SLC4A5: variants seen among roughly 807,000 people sequenced by gnomAD.
SLC4A5 encodes the protein solute carrier family 4 member 5, also known as electrogenic sodium bicarbonate cotransporter 4.
Under a neutral mutation model 120.4 loss-of-function variants are expected in SLC4A5, and 96 were observed. That is an observed-to-expected ratio of 0.80 (90% CI 0.68 to 0.94). The LOEUF (loss-of-function observed/expected upper bound fraction) is 0.94. Ranked by LOEUF, SLC4A5 falls within the 40% of genes least tolerant of loss-of-function variation. SLC4A5 has a pLI of 0.00. For synonymous variants in SLC4A5, 550 were observed against 571.1 expected, an observed-to-expected ratio of 0.96 and a Z score of 0.53; for missense variants, 1,259 against 1,459.5, an observed-to-expected ratio of 0.86 and a Z score of 2.24.
At chr2:74,224,380 G>A (rs1272360017) in intron 28 of SLC4A5, among the ~76,000 whole-genome samples, 2 of 152,134 alleles carry the variant, frequency 1.3e-5, no homozygotes, top group Non-Finnish European at 2.9e-5. Flanking sequence ...CCTAGGCAAA[G>A]GCGCAAGCAA....
chr2:74,225,014 A>C lies in SLC4A5; in HGVS notation c.3091-19T>G. 1 of 1,596,562 alleles carries C rather than the reference A, an allele frequency of 6.3e-7. No homozygotes were observed. The highest frequency in any genetic ancestry group is 8.5e-7 in the Non-Finnish European group (1 of 1,175,642). On this transcript the variant is annotated intron_variant, in intron 27 of 30. Transcript: ENST00000394019. ...CCAGGATCTGTGGTGGAGAGAGACT[A>C]AAGTTTTGTGAGAATTTGGAGAAAA...
chr2:74,335,153 C>G (rs1181617920), intron 3 of SLC4A5, among the ~76,000 whole-genome samples: 1 of 152,192 alleles, frequency 6.6e-6, no homozygotes, highest in East Asian at 1.9e-4. Flanking sequence ...GAGGAAACCA[C>G]TTCTCACAGT....
chr2:74,297,330 T>C (rs1206205230), intron 7 of SLC4A5, among the ~76,000 whole-genome samples: 1 of 152,230 alleles, frequency 6.6e-6, no homozygotes, highest in Non-Finnish European at 1.5e-5. Flanking sequence ...CTCGTAGCAA[T>C]CTGGCATGAA....
intron 8 of SLC4A5, among the ~76,000 whole-genome samples, chr2:74,284,555 T>G (rs1299602847): frequency 6.6e-6 from 1 of 152,188 alleles, no homozygotes; most frequent in East Asian, 1.9e-4. Flanking sequence ...ATTCTTCTCC[T>G]GGGGGCAGAG....
At chr2:74,304,298 G>T (rs376232211) in intron 7 of SLC4A5, among the ~76,000 whole-genome samples, 191 bp downstream of exon 7, 38 of 152,346 alleles carry the variant, frequency 2.5e-4, no homozygotes, top group African/African-American at 8.4e-4. Context: ...CAGGGTGTCA[G>T]TCTGACCAAA....
exon 25 of SLC4A5, chr2:74,231,269 C>T (rs756962305): frequency 1.3e-5 from 21 of 1,612,086 alleles, no homozygotes; most frequent in South Asian, 6.6e-5. Flanking sequence ...CAGAGATTCC[C>T]GTCAGGATGA....
intron 8 of SLC4A5, among the ~76,000 whole-genome samples, chr2:74,272,624 G>A (rs1671511762): frequency 1.3e-5 from 2 of 152,176 alleles, no homozygotes; most frequent in South Asian, 4.1e-4. Flanking sequence ...GCATGCCAGG[G>A]TGGGCACCAG....
intron 8 of SLC4A5, among the ~76,000 whole-genome samples, chr2:74,273,726 A>G (rs1671546330): frequency 6.6e-6 from 1 of 152,252 alleles, no homozygotes. Context: ...ATTTCCCAAC[A>G]GATACTGAAG....
At chr2:74,262,627 A>T (rs1671176590) in intron 10 of SLC4A5, among the ~76,000 whole-genome samples, 1 of 151,764 alleles carries the variant, frequency 6.6e-6, no homozygotes. Context: ...TGAATCCAGG[A>T]GGCAGAGTTT....
chr2:74,302,032 G>C (rs1454262888), intron 7 of SLC4A5, among the ~76,000 whole-genome samples: 3 of 152,100 alleles, frequency 2.0e-5, no homozygotes, highest in African/African-American at 7.2e-5. Context: ...TATTTTTATG[G>C]AATAAAACCC....
At chr2:74,288,877 C>T (rs944964088) in intron 7 of SLC4A5, among the ~76,000 whole-genome samples, 2 of 152,212 alleles carry the variant, frequency 1.3e-5, no homozygotes, top group African/African-American at 2.4e-5. Context: ...ATTAATAGCA[C>T]CTCTAGCCAC....
chr2:74,325,491 G>A (rs1293486543), intron 5 of SLC4A5, among the ~76,000 whole-genome samples: 1 of 152,190 alleles, frequency 6.6e-6, no homozygotes, highest in Non-Finnish European at 1.5e-5. Flanking sequence ...CTTCAAAGGA[G>A]TCCATCCATC....
chr2:74,262,764 G>A (rs1671182559), intron 10 of SLC4A5, among the ~76,000 whole-genome samples: 1 of 152,064 alleles, frequency 6.6e-6, no homozygotes, highest in East Asian at 1.9e-4. Context: ...GAGATACACA[G>A]TGCATTAAAT....
Position 74,242,031 on chromosome 2 carries a change from G to A in SLC4A5, c.2081C>T (p.Ala694Val), listed in dbSNP as rs781527916. The change falls in exon 20 of 31, where the codon GCT becomes GTT. Residue 694 changes from alanine (A) to valine (V), a missense_variant. Coordinates refer to ENST00000394019, the Ensembl canonical transcript of SLC4A5. ...GGTGTCTGGTGCCAATGGGGCTGAA[G>A]CATTGAACACGGTTGTATTCACTGT... 3.1e-6 allele frequency: 5 copies of A among 1,607,104 alleles called. No homozygotes were observed. The South Asian group carries it at 5.5e-5, about 18-fold the overall frequency.
exon 15 of SLC4A5, chr2:74,253,101 G>A (rs753286986): frequency 1.6e-5 from 26 of 1,613,966 alleles, no homozygotes; most frequent in Middle Eastern, 1.6e-4. Context: ...TCCCGATTGC[G>A]GGCTTTGTAG....
At position 74,225,010 on chromosome 2, in the gene SLC4A5, G is replaced by A; in HGVS notation, c.3091-15C>T. ...AGGCCCAGGATCTGTGGTGGAGAGA[G>A]ACTAAAGTTTTGTGAGAATTTGGAG... On this transcript the variant is annotated splice_polypyrimidine_tract_variant and intron_variant, in intron 27 of 30. Coordinates refer to ENST00000394019, the Ensembl canonical transcript of SLC4A5. The A allele has an allele frequency of 6.3e-7, 1 of 1,597,066 alleles. No homozygotes were observed. The highest frequency in any genetic ancestry group is 1.1e-5 in the South Asian group (1 of 87,266).
chr2:74,300,444 C>T (rs1672446464), intron 7 of SLC4A5, among the ~76,000 whole-genome samples: 1 of 152,078 alleles, frequency 6.6e-6, no homozygotes, highest in Non-Finnish European at 1.5e-5. Context: ...TGTTTTATAC[C>T]TTAAACATGT....
chr2:74,317,371 T>C (rs1476135398), intron 5 of SLC4A5, among the ~76,000 whole-genome samples: 7 of 152,202 alleles, frequency 4.6e-5, no homozygotes, highest in Admixed American at 4.6e-4. Flanking sequence ...TTAAATGTTT[T>C]ATCTGAACCT....
intron 7 of SLC4A5, among the ~76,000 whole-genome samples, chr2:74,299,474 G>A (rs1349897409): frequency 2.6e-5 from 4 of 152,182 alleles, no homozygotes; most frequent in Non-Finnish European, 4.4e-5. Context: ...TGCCGTGATT[G>A]TGAGCCCTCC....
Sources: gnomAD v4.1 joint callset for allele counts (sites outside exome capture counted in the v4.1 genomes callset) on GRCh38, gnomAD v4.1.1 for gene constraint, MANE v1.5 for transcripts, NCBI Gene and HGNC (gene_info 2026-07-23, HGNC 2026-07-21) for gene names.